GSK3A: variants seen among roughly 807,000 people sequenced by gnomAD.
The protein encoded by GSK3A is glycogen synthase kinase-3 alpha.
In GSK3A, 14 loss-of-function variants were observed where a neutral mutation model predicts 56.6. The ratio of observed to expected loss-of-function variants is 0.25; its 90% CI spans 0.16 to 0.39. GSK3A has a LOEUF of 0.39. Ranked by LOEUF, GSK3A falls within the 10% of genes least tolerant of loss-of-function variation. GSK3A has a pLI of 1.00. For synonymous variants in GSK3A, 301 were observed against 285.0 expected (o/e 1.06, Z -0.56); for missense variants, 450 against 656.0 (o/e 0.69, Z 3.43).
chr19:42,233,619 C>A lies in GSK3A; in HGVS notation c.905-236G>T, dbSNP rs372192948. 7.2e-5 allele frequency among the ~76,000 whole-genome samples: 11 copies of A among 152,260 alleles called. No individual in the cohort carries two copies. In the South Asian group the frequency reaches 2.3e-3, roughly 32 times the overall value. ...CTCAGTTCCTCTCTCTGCTAAGGAC[C>A]CCAATGAGCTCCTTCTCTCCCGCTA... On this transcript the variant is annotated intron_variant, in intron 6 of 10. Coordinates refer to ENST00000222330, the MANE Select transcript of GSK3A (RefSeq NM_019884.3).
At chr19:42,241,851 GC>G (rs1568467348) in intron 1 of GSK3A, 1 of 231,164 alleles carries the variant, frequency 4.3e-6, no homozygotes, top group African/African-American at 2.3e-5. Context: ...CCATTTGCAA[GC>G]GACTGTGACC....
In GSK3A at chr19:42,234,568, G is replaced by A. The variant is rs1390347861; in HGVS notation, c.777C>T (p.Leu259=). 7 of 1,614,024 alleles carry A rather than the reference G, an allele frequency of 4.3e-6. No homozygotes were observed. Among genetic ancestry groups the A allele is most frequent in the Non-Finnish European group, 5.9e-6 (7 of 1,179,910 alleles). Residue 259 remains leucine (L), a synonymous_variant, in exon 5 of 11, where the codon CTC becomes CTT. Transcript: ENST00000222330. The surrounding 1 kb of genome is among the most constrained non-coding windows in gnomAD (Gnocchi z 5.7). ...CCCACCTGCCAAAATCGCAGAGCTT[G>A]AGGACAGCAGTGTCAGGGTCCACCA... ...NLLVDPDTAV[L]KLCDFGSAKQ...
In GSK3A at chr19:42,236,450, G is replaced by C. The variant is rs61401133; in HGVS notation, c.666+156C>G. On this transcript the variant is annotated intron_variant, in intron 4 of 10. Coordinates refer to ENST00000222330, the MANE Select transcript of GSK3A (RefSeq NM_019884.3). ...CTTGGCCCTCCCCTGTGTTAGGCGA[G>C]CTCCATCTCGGGGGGTTATGGGAAC... 6.8e-3 allele frequency among the ~76,000 whole-genome samples: 1,042 copies of C among 152,282 alleles called. 14 individuals are homozygous for C. The highest frequency in any genetic ancestry group is 0.024 in the African/African-American group (994 of 41,560).
Position 42,242,576 on chromosome 19 carries a change from T to G in GSK3A, c.-111A>C. The G allele has an allele frequency of 3.4e-6, 3 of 881,516 alleles. No individual in the cohort carries two copies. Among genetic ancestry groups the G allele is most frequent in the South Asian group, 4.9e-5 (2 of 40,746 alleles). The allele number at this position is 881,516 out of a possible 1,614,324, so 54.6% of individuals were successfully genotyped here. A position where few individuals can be genotyped will look rare whatever the true frequency, so the allele number is the denominator to read the frequency against. On this transcript the variant is annotated 5_prime_UTR_variant, in exon 1 of 11. Coordinates refer to ENST00000222330, the MANE Select transcript of GSK3A (RefSeq NM_019884.3). ...TGGCCTCTTCCAGGCCGCGCCGCTC[T>G]GGCTTGGGCTCCGGCTCCGGCCCAG...
At position 42,232,163 on chromosome 19, in the gene GSK3A, T is replaced by C. The variant is rs1385956227; in HGVS notation, c.1286-14A>G. The C allele has an allele frequency of 2.7e-6, 4 of 1,494,312 alleles. No homozygotes were observed. Among genetic ancestry groups the C allele is most frequent in the East Asian group, 4.5e-5 (2 of 44,242 alleles). 92.6% of individuals were successfully genotyped at this position (1,494,312 alleles called of 1,614,324 possible). A position where few individuals can be genotyped will look rare whatever the true frequency, so the allele number is the denominator to read the frequency against. The stretch of plus-strand genomic sequence containing the variant: ...GGATGGAGAGTTCTAGAAACAGGAA[T>C]TGACATGCTAGTCAGGGTAGACTAC... On this transcript the variant is annotated splice_polypyrimidine_tract_variant and intron_variant, in intron 9 of 10. Transcript: ENST00000222330.
At chr19:42,242,146 C>G in intron 1 of GSK3A, 37 bp downstream of exon 1, 1 of 1,316,576 alleles carries the variant, frequency 7.6e-7, no homozygotes. Flanking sequence ...TTTGGGAACC[C>G]TAATCACCAC....
chr19:42,232,405 TC>T, intron 9 of GSK3A, 90 bp downstream of exon 9: 2 of 1,221,564 alleles, frequency 1.6e-6, no homozygotes, highest in Non-Finnish European at 1.2e-6. Flanking sequence ...TGCCCTTAGC[TC>T]CCCACTCCTG....
Position 42,234,344 on chromosome 19 carries a change from A to T in GSK3A, c.904+9T>A. The T allele has an allele frequency of 6.2e-7, 1 of 1,608,346 alleles. No homozygotes were observed. Among genetic ancestry groups the T allele is most frequent in the Non-Finnish European group, 8.5e-7 (1 of 1,174,800 alleles). On this transcript the variant is annotated intron_variant, in intron 6 of 10. Transcript: ENST00000222330. This position sits in a 1 kb window ranked among gnomAD's most constrained non-coding sequence, Gnocchi z 5.7. ...GCCACTCCCCCCGCCACCCTCCCAT[A>T]ACTCTGACCGATGGATGAGGTGTAA...
At position 42,230,559 on chromosome 19, in the gene GSK3A, C is replaced by A. The variant is rs1393233579; in HGVS notation, c.*235G>T. ...GCCAAGGGGGTAGGAGGTCCTCATCCCCCCAACACCCTGTCCTTCTCTTCC... is the reference window on the plus strand; with the variant it reads ...GCCAAGGGGGTAGGAGGTCCTCATCACCCCAACACCCTGTCCTTCTCTTCC... On this transcript the variant is annotated 3_prime_UTR_variant, in exon 11 of 11. Transcript: ENST00000222330. 2 of 558,248 alleles carry A rather than the reference C, an allele frequency of 3.6e-6. No homozygotes were observed. The highest frequency in any genetic ancestry group is 6.4e-6 in the Non-Finnish European group (2 of 311,452). The allele number at this position is 558,248 out of a possible 1,614,324, so 34.6% of individuals were successfully genotyped here.
intron 1 of GSK3A, chr19:42,241,506 T>C (rs1003711939): frequency 6.6e-6 from 1 of 152,230 alleles, no homozygotes; most frequent in African/African-American, 2.4e-5. Flanking sequence ...TTTTAAAACA[T>C]GGACTATGGA....
intron 4 of GSK3A, among the ~76,000 whole-genome samples, chr19:42,235,490 C>T: frequency 1.3e-5 from 2 of 152,202 alleles, no homozygotes; most frequent in East Asian, 1.9e-4. Flanking sequence ...GTTTCAGTTA[C>T]TGCTGCATCC....
At chr19:42,237,027 G>C in intron 2 of GSK3A, 86 bp from the exon 3 acceptor site, 1 of 902,830 alleles carries the variant, frequency 1.1e-6, no homozygotes, top group Non-Finnish European at 1.9e-6. Flanking sequence ...CAACAGCCAG[G>C]CAGCTACTCC....
chr19:42,239,191 A>C (rs1260917052), intron 2 of GSK3A, among the ~76,000 whole-genome samples: 1 of 151,524 alleles, frequency 6.6e-6, no homozygotes, highest in Non-Finnish European at 1.5e-5. Flanking sequence ...AGGCCTAGGA[A>C]CTCCCTGCCC....
Position 42,242,247 on chromosome 19 carries a change from G to A in GSK3A, c.219C>T (p.Gly73=). The A allele has an allele frequency of 1.4e-6, 2 of 1,434,250 alleles. No individual in the cohort carries two copies. Among genetic ancestry groups the A allele is most frequent in the Non-Finnish European group, 1.8e-6 (2 of 1,098,278 alleles). 88.8% of individuals were successfully genotyped at this position (1,434,250 alleles called of 1,614,324 possible). The change falls in exon 1 of 11, where the codon GGC becomes GGT. Residue 73 remains glycine, a synonymous_variant. Transcript: ENST00000222330. The part of the protein sequence containing the change: ...SSSGGGPGGS[G]GGGSGGPGAG... ...CGCCGGGGCCTCCGCTGCCTCCTCC[G>A]CCGCTGCCGCCGGGTCCACCCCCGG...
chr19:42,232,819 A>AT, intron 8 of GSK3A, 137 bp from the exon 9 acceptor site: 1 of 729,868 alleles, frequency 1.4e-6, no homozygotes. Flanking sequence ...TGAAGAAACT[A>AT]AGGCCCAACC....
Position 42,230,915 on chromosome 19 carries a change from A to G in GSK3A, c.1379-48T>C, listed in dbSNP as rs2036219807. 5.5e-6 allele frequency: 7 copies of G among 1,273,656 alleles called. No individual in the cohort carries two copies. The Middle Eastern group carries it at 5.5e-4, about 100-fold the overall frequency. The allele number at this position is 1,273,656 out of a possible 1,614,324, so 78.9% of individuals were successfully genotyped here. ...CAGAGTTAGCCTTTGCCTTTCAGAC[A>G]CCCCTTCGCCCAACCCAAAAGTAGG... is the stretch of plus-strand genomic sequence containing the variant. On this transcript the variant is annotated intron_variant, in intron 10 of 10. Coordinates refer to ENST00000222330, the MANE Select transcript of GSK3A (RefSeq NM_019884.3).
In GSK3A at chr19:42,236,870, G is replaced by T. The variant is rs577938907; in HGVS notation, c.543C>A (p.Ser181=). Residue 181 remains serine (S), a synonymous_variant, in exon 3 of 11, where the codon TCC becomes TCA. Coordinates refer to ENST00000222330, the MANE Select transcript of GSK3A (RefSeq NM_019884.3). The part of the protein sequence containing the change: ...NIVRLRYFFY[S]SGEKKDELYL... ...CTCGAGATCTCACCTTCTCGCCACT[G>T]GAGTAGAAAAAGTATCTCAGCCTCA... is the stretch of plus-strand genomic sequence containing the variant. 6.2e-6 allele frequency: 10 copies of T among 1,610,740 alleles called. No homozygotes were observed. Among genetic ancestry groups the T allele is most frequent in the Non-Finnish European group, 8.5e-6 (10 of 1,177,052 alleles).
chr19:42,241,801 T>G, intron 1 of GSK3A: 1 of 171,586 alleles, frequency 5.8e-6, no homozygotes, highest in East Asian at 1.5e-4. Flanking sequence ...TCGGGGTTGG[T>G]CTTATTCTTG....
In GSK3A at chr19:42,234,096, GTATGGA is replaced by G. The variant is rs2036241960; in HGVS notation, c.904+251_904+256del. ...GGCTGACAGGGAGGTTCCAGAGCTGGTATGGACTCTGGAGTCAGGTCAGCTTTCAAA... is the reference window on the plus strand; with the variant it reads ...GGCTGACAGGGAGGTTCCAGAGCTGGCTCTGGAGTCAGGTCAGCTTTCAAA... On this transcript the variant is annotated intron_variant, in intron 6 of 10. Transcript: ENST00000222330. This position sits in a 1 kb window ranked among gnomAD's most constrained non-coding sequence, Gnocchi z 5.7. Among the ~76,000 whole-genome samples the G allele has an allele frequency of 6.6e-6, 1 of 152,118 alleles. No individual in the cohort carries two copies. The highest frequency in any genetic ancestry group is 2.4e-5 in the African/African-American group (1 of 41,414).
Sources: gnomAD v4.1 joint callset for allele counts (sites outside exome capture counted in the v4.1 genomes callset) on GRCh38, gnomAD v4.1.1 for gene constraint, Gnocchi (gnomAD v3.1) non-coding constraint, MANE v1.5 for transcripts, NCBI Gene and HGNC (gene_info 2026-07-23, HGNC 2026-07-21) for gene names.